The following GEMIN5 variants were observed in gnomAD, a reference collection of about 807,000 sequenced individuals.
GEMIN5 encodes the protein gem-associated protein 5.
GEMIN5 carries 124 observed loss-of-function variants against 176.9 expected under a neutral mutation model. The observed-to-expected ratio is 0.70, with a 90% confidence interval of 0.61 to 0.81. The LOEUF (loss-of-function observed/expected upper bound fraction) is 0.81, where lower values mean the gene tolerates loss of function less well. Ranked by LOEUF, GEMIN5 falls within the 40% of genes least tolerant of loss-of-function variation. The pLI, the probability that GEMIN5 is intolerant of heterozygous loss-of-function variation, is 0.00. For synonymous variants in GEMIN5, 673 were observed against 665.2 expected, an observed-to-expected ratio of 1.01 and a Z score of -0.18; for missense variants, 1,843 against 1,814.6, an observed-to-expected ratio of 1.02 and a Z score of -0.28.
chr5:154,921,279 AT>A, intron 10 of GEMIN5, 63 bp downstream of exon 10: 1 of 820,488 alleles, frequency 1.2e-6, no homozygotes, highest in Non-Finnish European at 2.2e-6. Context: ...CATCTTTAAT[AT>A]TTTAGGATTA....
At chr5:154,901,201 C>A in intron 21 of GEMIN5, 138 bp downstream of exon 21, 2 of 763,104 alleles carry the variant, frequency 2.6e-6, no homozygotes, top group Non-Finnish European at 4.3e-6. Flanking sequence ...TGGCATGCAC[C>A]TCCTGAGTAG....
At chr5:154,937,859 C>T in intron 1 of GEMIN5, 109 bp downstream of exon 1, 3 of 990,220 alleles carry the variant, frequency 3.0e-6, no homozygotes, top group Non-Finnish European at 4.2e-6. Context: ...TCCTCCCAGC[C>T]TGGGCCTCAG....
chr5:154,910,595 T>C (rs1763680823), intron 15 of GEMIN5, among the ~76,000 whole-genome samples: 1 of 152,114 alleles, frequency 6.6e-6, no homozygotes, highest in South Asian at 2.1e-4. Flanking sequence ...TGAGCCACTG[T>C]GCCCAGCAGT....
At chr5:154,901,161 A>T (rs1763453718) in intron 21 of GEMIN5, among the ~76,000 whole-genome samples, 178 bp downstream of exon 21, 1 of 152,232 alleles carries the variant, frequency 6.6e-6, no homozygotes, top group Admixed American at 6.5e-5. Context: ...CTCCGTCTCT[A>T]CAAAAAACTA....
In GEMIN5 at chr5:154,892,411, C is replaced by T. The variant is rs372217225; in HGVS notation, c.3736G>A (p.Val1246Met). Reference sequence around the variant, plus strand: ...CCGTCAGGGAGAAAGGCTGAGTACACTTCCTGCATGATGGTGAAGCTCCCT... The same window carrying T: ...CCGTCAGGGAGAAAGGCTGAGTACATTTCCTGCATGATGGTGAAGCTCCCT... ...DSGSFTIMQE[V>M]YSAFLPDGCD... Residue 1246 changes from valine (V) to methionine (M), a missense_variant, in exon 25 of 28, where the codon GTG (valine) becomes ATG (methionine). By Grantham distance (21) the Val-to-Met change is conservative (BLOSUM62 1). Coordinates refer to ENST00000285873, the MANE Select transcript of GEMIN5 (RefSeq NM_015465.5). 2 of 1,614,036 alleles carry T rather than the reference C, an allele frequency of 1.2e-6. No individual in the cohort carries two copies. Among genetic ancestry groups the T allele is most frequent in the Non-Finnish European group, 1.7e-6 (2 of 1,180,024 alleles).
At chr5:154,893,255 TAAAAAAAAAA>T (rs70981957) in intron 24 of GEMIN5, among the ~76,000 whole-genome samples, 2 of 85,684 alleles carry the variant, frequency 2.3e-5, no homozygotes, top group African/African-American at 1.0e-4. Context: ...AGCCCGTCTC[TAAAAAAAAAA>T]AAAAAAAAAA....
In GEMIN5 at chr5:154,938,039, G is replaced by A; in HGVS notation, c.95C>T (p.Ala32Val). 2 of 1,550,658 alleles carry A rather than the reference G, an allele frequency of 1.3e-6. No homozygotes were observed. The highest frequency in any genetic ancestry group is 1.2e-5 in the South Asian group (1 of 85,338). The change falls in exon 1 of 28, where the codon GCG becomes GTG. Residue 32 changes from alanine (A) to valine (V), a missense_variant. By Grantham distance (64) the Ala-to-Val change is moderately conservative (BLOSUM62 0). Transcript: ENST00000285873. ...GCGGACAAGGAAGACGGAGGTCCGC[G>A]CGGCGAAGCCAAAGAGGCCCCCGGG... ...AVPGGLFGFA[A>V]RTSVFLVRVG... is the part of the protein sequence containing the mutation.
In GEMIN5 at chr5:154,891,298, T is replaced by A. The variant is rs201303618; in HGVS notation, c.4205A>T (p.Asp1402Val). ...QLCKSTANGP[D>V]KNEPEVEAEQ... ...TGCTTCTACTTCCGGTTCATTCTTA[T>A]CAGGACCATTTGCTGTGGATTTACA... The change falls in exon 26 of 28, where the codon GAT (aspartate) becomes GTT (valine). Residue 1402 changes from aspartate to valine, a missense_variant. Asp to Val is a radical substitution (Grantham distance 152). Coordinates refer to ENST00000285873, the MANE Select transcript of GEMIN5 (RefSeq NM_015465.5). 6.2e-7 allele frequency: 1 copy of A among 1,613,970 alleles called. No individual in the cohort carries two copies. The highest frequency in any genetic ancestry group is 8.5e-7 in the Non-Finnish European group (1 of 1,179,992).
intron 26 of GEMIN5, 44 bp downstream of exon 26, chr5:154,891,197 C>T: frequency 3.2e-6 from 5 of 1,558,234 alleles, no homozygotes; most frequent in Non-Finnish European, 4.4e-6. Flanking sequence ...TCCTAGCCAG[C>T]AGGGTCATTT....
intron 9 of GEMIN5, among the ~76,000 whole-genome samples, chr5:154,921,990 T>C (rs1165694328): frequency 6.6e-6 from 1 of 152,244 alleles, no homozygotes; most frequent in Admixed American, 6.5e-5. Context: ...TCTTTTACCA[T>C]AAATTATCAT....
In GEMIN5 at chr5:154,928,635, A is replaced by G; in HGVS notation, c.806T>C (p.Phe269Ser). 3 of 1,614,030 alleles carry G rather than the reference A, an allele frequency of 1.9e-6. No individual in the cohort carries two copies. Among genetic ancestry groups the G allele is most frequent in the Non-Finnish European group, 2.5e-6 (3 of 1,179,880 alleles). Residue 269 changes from phenylalanine to serine, a missense_variant, in exon 6 of 28, where the codon TTT (phenylalanine) becomes TCT (serine). Phe to Ser is a radical substitution (Grantham distance 155). Coordinates refer to ENST00000285873, the MANE Select transcript of GEMIN5 (RefSeq NM_015465.5). ...TATACCCCCTCCTCTTCTCTTCAGA[A>G]AGGGCAATTTCAAAATCATCACCCC... The part of the protein sequence containing the change: ...GRGVMILKLP[F>S]LKRRGGGIDP...
intron 15 of GEMIN5, among the ~76,000 whole-genome samples, chr5:154,910,704 T>G (rs909898749): frequency 9.9e-5 from 15 of 152,208 alleles, no homozygotes; most frequent in African/African-American, 2.9e-4. Flanking sequence ...TTACTTTCTC[T>G]TTTTTTTGTT....
chr5:154,930,026 G>C (rs984368409), intron 5 of GEMIN5, among the ~76,000 whole-genome samples: 15 of 152,154 alleles, frequency 9.9e-5, no homozygotes, highest in African/African-American at 3.6e-4. Context: ...TTTGGCTTCT[G>C]TTTTTAAACT....
In GEMIN5 at chr5:154,917,767, C is replaced by T. The variant is rs112106696; in HGVS notation, c.1673+164G>A. The stretch of plus-strand genomic sequence containing the variant: ...AATATCTAAATAATTCTGTAGTTCT[C>T]AAAGACACAAGGCACTACTGGATCA... On this transcript the variant is annotated intron_variant, in intron 12 of 27. Transcript: ENST00000285873. Among the ~76,000 whole-genome samples the T allele has an allele frequency of 7.9e-3, 1,205 of 152,296 alleles. 10 individuals carry two copies. The highest frequency in any genetic ancestry group is 0.028 in the African/African-American group (1,163 of 41,564).
intron 7 of GEMIN5, among the ~76,000 whole-genome samples, chr5:154,926,381 C>A (rs1021037756): frequency 6.6e-6 from 1 of 152,132 alleles, no homozygotes; most frequent in Non-Finnish European, 1.5e-5. Context: ...GCACTGGTAA[C>A]CCCCTCATTT....
intron 11 of GEMIN5, among the ~76,000 whole-genome samples, chr5:154,918,568 C>T (rs963930105): frequency 6.6e-6 from 1 of 152,208 alleles, no homozygotes; most frequent in Non-Finnish European, 1.5e-5. Context: ...CTGATCCACA[C>T]ATTCAAGTGC....
chr5:154,914,413 T>C (rs1400586365), intron 13 of GEMIN5, among the ~76,000 whole-genome samples: 1 of 151,900 alleles, frequency 6.6e-6, no homozygotes, highest in Non-Finnish European at 1.5e-5. Context: ...TGATCCTGCA[T>C]TGGAATCTGC....
In GEMIN5 at chr5:154,911,838, G is replaced by C; in HGVS notation, c.2056C>G (p.Leu686Val). 1 of 1,613,992 alleles carries C rather than the reference G, an allele frequency of 6.2e-7. No individual in the cohort carries two copies. Among genetic ancestry groups the C allele is most frequent in the Non-Finnish European group, 8.5e-7 (1 of 1,179,876 alleles). Residue 686 changes from leucine (L) to valine (V), a missense_variant, in exon 15 of 28, where the codon CTT (leucine) becomes GTT (valine). Leu to Val is a conservative substitution (Grantham distance 32, BLOSUM62 1). Coordinates refer to ENST00000285873, the MANE Select transcript of GEMIN5 (RefSeq NM_015465.5). ...TCCAAAGGAGACCATGCCACACAAA[G>C]CAGTCGACCTCGATGTCCTCGGAAA... ...CNFRGHRGRL[L>V]CVAWSPLDPD...
At chr5:154,911,436 C>T (rs1020470147) in intron 15 of GEMIN5, among the ~76,000 whole-genome samples, 1 of 152,126 alleles carries the variant, frequency 6.6e-6, no homozygotes, top group Non-Finnish European at 1.5e-5. Context: ...TTGCTTTAAC[C>T]CAGGAGGTGG....
Sources: gnomAD v4.1 joint callset for allele counts (sites outside exome capture counted in the v4.1 genomes callset) on GRCh38, gnomAD v4.1.1 for gene constraint, MANE v1.5 for transcripts, NCBI Gene and HGNC (gene_info 2026-07-23, HGNC 2026-07-21) for gene names.